Variants in PRIM2 observed in about 807,000 individuals in gnomAD.
PRIM2 encodes the protein DNA primase large subunit.
A neutral mutation model predicts 67.3 loss-of-function variants in PRIM2; 39 were observed. The observed-to-expected ratio is 0.58, with a 90% CI of 0.45 to 0.76. The LOEUF is 0.76. Among genes scored for constraint, PRIM2 ranks in the 30% least tolerant of loss-of-function variants. PRIM2 has a pLI of 0.00. For missense variants in PRIM2, 398 were observed against 598.7 expected (o/e 0.66, Z 3.50); for synonymous variants, 143 against 198.7 (o/e 0.72, Z 2.36).
intron 7 of PRIM2, among the ~76,000 whole-genome samples, chr6:57,410,874 A>G (rs1263021073): frequency 2.6e-5 from 4 of 151,376 alleles, no homozygotes; most frequent in African/African-American, 9.7e-5. Flanking sequence ...TTGGTTTTTC[A>G]TAGATGGCCT....
the PRIM2 span, among the ~76,000 whole-genome samples, chr6:57,295,683 C>G: frequency 5.1e-4 from 78 of 152,296 alleles, no homozygotes; most frequent in Middle Eastern, 3.4e-3. Context: ...TGTTTTAAAT[C>G]CCTCCTGAGT....
the PRIM2 span, among the ~76,000 whole-genome samples, chr6:57,285,569 A>C: frequency 2.0e-5 from 3 of 152,226 alleles, no homozygotes; most frequent in Non-Finnish European, 2.9e-5. Flanking sequence ...ATAAAATTCA[A>C]CAACGCTTTT....
intron 7 of PRIM2, among the ~76,000 whole-genome samples, chr6:57,394,787 T>A (rs1770466628): frequency 6.6e-6 from 1 of 152,192 alleles, no homozygotes; most frequent in Non-Finnish European, 1.5e-5. Flanking sequence ...AGTATTATGT[T>A]GGCTGTGGGT....
intron 7 of PRIM2, chr6:57,383,595 G>C (rs930842716): frequency 1.4e-5 from 2 of 145,092 alleles, no homozygotes; most frequent in Admixed American, 1.4e-4. Flanking sequence ...AAAAAAAAAG[G>C]CATGTGGGAT....
intron 5 of PRIM2, among the ~76,000 whole-genome samples, chr6:57,358,567 A>G (rs1363915742): frequency 6.6e-6 from 1 of 152,214 alleles, no homozygotes; most frequent in Non-Finnish European, 1.5e-5. Flanking sequence ...GTTTTATTTC[A>G]TCTTGAAGCT....
rs1554349258 is a variant in PRIM2 at position 57,525,230 on chromosome 6, C to T, written c.762-7181C>T. 1.4e-3 allele frequency among the ~76,000 whole-genome samples: 219 copies of T among 152,282 alleles called. 5 individuals carry two copies. The East Asian group carries it at 0.018, about 12-fold the overall frequency. On this transcript the variant is annotated intron_variant, in intron 8 of 13. Transcript: ENST00000615550. ...AAGACTTTATTATTCCAAAATGCTACGCCCTTATCACATTCTTACTTTAAA... is the reference window on the plus strand; with the variant it reads ...AAGACTTTATTATTCCAAAATGCTATGCCCTTATCACATTCTTACTTTAAA...
At chr6:57,539,209 A>G (rs1581977656) in intron 10 of PRIM2, among the ~76,000 whole-genome samples, 2 of 152,160 alleles carry the variant, frequency 1.3e-5, no homozygotes, top group East Asian at 1.9e-4. Flanking sequence ...ATTATAGAAA[A>G]TATGAAAAAT....
intron 5 of PRIM2, among the ~76,000 whole-genome samples, chr6:57,369,943 G>T (rs11962851): frequency 0.031 from 4,664 of 152,140 alleles, 237 homozygotes; most frequent in African/African-American, 0.1. Flanking sequence ...ATGTACTAAG[G>T]GTGTGCTGTA....
At chr6:57,492,643 A>G (rs1380847355) in intron 7 of PRIM2, among the ~76,000 whole-genome samples, 16 of 152,202 alleles carry the variant, frequency 1.1e-4, no homozygotes, top group African/African-American at 3.4e-4. Flanking sequence ...ATATATAATT[A>G]GTATACAAAG....
the PRIM2 span, among the ~76,000 whole-genome samples, chr6:57,259,280 T>C: frequency 6.6e-6 from 1 of 152,156 alleles, no homozygotes; most frequent in African/African-American, 2.4e-5. Flanking sequence ...GGGGGTTGGC[T>C]GATTTAAGCT....
intron 7 of PRIM2, among the ~76,000 whole-genome samples, chr6:57,415,415 G>T (rs1307696565): frequency 1.3e-5 from 2 of 152,124 alleles, no homozygotes. Context: ...AGTCTATTAA[G>T]AATGCAATAC....
At chr6:57,627,310 T>A (rs1776967004) in intron 12 of PRIM2, among the ~76,000 whole-genome samples, 14 of 104,314 alleles carry the variant, frequency 1.3e-4, no homozygotes, top group Non-Finnish European at 2.0e-4. Flanking sequence ...AAAAAAAAAG[T>A]TTAAAAATAT....
At chr6:57,365,949 C>CAAAAAAAAA (rs5876544) in intron 5 of PRIM2, among the ~76,000 whole-genome samples, 45 of 62,498 alleles carry the variant, frequency 7.2e-4, no homozygotes, top group South Asian at 8.6e-4. Context: ...GACCATATCT[C>CAAAAAAAAA]AAAAAAAAAA....
intron 10 of PRIM2, among the ~76,000 whole-genome samples, chr6:57,582,348 T>C (rs2127485358): frequency 6.6e-6 from 1 of 152,352 alleles, no homozygotes; most frequent in Admixed American, 6.5e-5. Flanking sequence ...TCTCCATTTG[T>C]ATACTTCCTT....
intron 7 of PRIM2, chr6:57,435,105 A>G: frequency 6.6e-6 from 1 of 152,180 alleles, no homozygotes; most frequent in East Asian, 1.9e-4. Context: ...TGTTCTGAAT[A>G]AAAAGTCTCT....
At chr6:57,455,543 G>A (rs1157275034) in intron 7 of PRIM2, among the ~76,000 whole-genome samples, 1 of 152,054 alleles carries the variant, frequency 6.6e-6, no homozygotes, top group Non-Finnish European at 1.5e-5. Flanking sequence ...TTATGTAATG[G>A]CCTGCTTTGT....
upstream of PRIM2, among the ~76,000 whole-genome samples, chr6:57,316,994 G>A (rs1183828565): frequency 6.6e-6 from 1 of 152,256 alleles, no homozygotes; most frequent in Non-Finnish European, 1.5e-5. Context: ...AGAGCGGGGA[G>A]CGAATTGAAC....
the PRIM2 span, among the ~76,000 whole-genome samples, chr6:57,253,248 A>C: frequency 6.6e-6 from 1 of 152,182 alleles, no homozygotes; most frequent in Non-Finnish European, 1.5e-5. Context: ...ATTAGGGCTA[A>C]AGTGATCTGT....
chr6:57,534,738 TCTG>T (rs1295995245), intron 9 of PRIM2, among the ~76,000 whole-genome samples: 5 of 152,224 alleles, frequency 3.3e-5, no homozygotes, highest in African/African-American at 1.2e-4. Context: ...TATTTTATCT[TCTG>T]CTCCATTCCG....
Sources: allele counts gnomAD v4.1 joint callset (sites outside exome capture counted in the v4.1 genomes callset), GRCh38; gene constraint gnomAD v4.1.1; transcripts MANE v1.5; gene names NCBI Gene and HGNC (gene_info 2026-07-23, HGNC 2026-07-21).